The following OR7E24 variants were observed in gnomAD, a reference collection of about 807,000 sequenced individuals.
OR7E24 encodes olfactory receptor 7E24.
For synonymous variants in OR7E24, 130 were observed against 157.5 expected (o/e 0.83, Z 1.31); for missense variants, 385 against 410.3 (o/e 0.94, Z 0.53).
At chr19:9,221,237 A>C in the OR7E24 span, among the ~76,000 whole-genome samples, 976 of 144,040 alleles carry the variant, frequency 6.8e-3, 13 homozygotes, top group African/African-American at 0.024. Context: ...GCGCCACTGC[A>C]CTCCAGCCTG....
chr19:9,238,577 C>T, the OR7E24 span, among the ~76,000 whole-genome samples: 2 of 152,094 alleles, frequency 1.3e-5, no homozygotes, highest in African/African-American at 2.4e-5. Context: ...TTGAAGTATA[C>T]AATTTGTTAT....
the OR7E24 span, among the ~76,000 whole-genome samples, chr19:9,226,637 T>C: frequency 1.3e-5 from 2 of 152,262 alleles, no homozygotes; most frequent in Admixed American, 6.5e-5. Context: ...TTGATTTCTT[T>C]ATTACGGCTA....
chr19:9,207,190 TTCGGATTTCACTC>T, the OR7E24 span: 1 of 152,238 alleles, frequency 6.6e-6, no homozygotes, highest in Non-Finnish European at 1.5e-5. Context: ...ATAGATTTTC[TTCGGATTTCACTC>T]TTGTGCGTAC....
chr19:9,240,978 T>C, the OR7E24 span, among the ~76,000 whole-genome samples: 30,620 of 151,910 alleles, frequency 0.2, 5,111 homozygotes, highest in African/African-American at 0.46. Context: ...CCACCACGCC[T>C]GGCTAATTTT....
the OR7E24 span, among the ~76,000 whole-genome samples, chr19:9,228,109 G>A: frequency 3.3e-5 from 5 of 152,076 alleles, no homozygotes; most frequent in Non-Finnish European, 5.9e-5. Flanking sequence ...CTTCCATAAC[G>A]AATGAACTAA....
At chr19:9,212,896 G>T in the OR7E24 span, 1 of 152,196 alleles carries the variant, frequency 6.6e-6, no homozygotes, top group African/African-American at 2.4e-5. Flanking sequence ...GGGAAGACAG[G>T]TGTGAGCCAC....
At chr19:9,251,075 T>TA (rs1568335989) in intron 1 of OR7E24, 13 of 1,598,224 alleles carry the variant, frequency 8.1e-6, no homozygotes, top group African/African-American at 1.3e-5. Flanking sequence ...TTTTTTTTTT[T>TA]CCTCAAAAGG....
At chr19:9,230,588 G>A in the OR7E24 span, among the ~76,000 whole-genome samples, 28 of 152,284 alleles carry the variant, frequency 1.8e-4, no homozygotes, top group Admixed American at 2.0e-4. Context: ...ACTCACTGAA[G>A]ATCTGTCCTA....
At chr19:9,239,707 C>CTTTTTTTTTTT in the OR7E24 span, among the ~76,000 whole-genome samples, 38 of 122,986 alleles carry the variant, frequency 3.1e-4, no homozygotes, top group South Asian at 5.2e-4. Context: ...TTTTCTTTTT[C>CTTTTTTTTTTT]TTTTTTTTTT....
chr19:9,215,935 A>T, the OR7E24 span, among the ~76,000 whole-genome samples: 1 of 152,124 alleles, frequency 6.6e-6, no homozygotes, highest in Admixed American at 6.6e-5. Flanking sequence ...TGTTTAATGG[A>T]CTTACAGTTC....
chr19:9,213,313 A>AAG, the OR7E24 span: 1 of 152,536 alleles, frequency 6.6e-6, no homozygotes, highest in African/African-American at 2.4e-5. Context: ...AAACTGATCA[A>AAG]AGATGGAACT....
chr19:9,212,328 A>C, the OR7E24 span: 1 of 151,862 alleles, frequency 6.6e-6, no homozygotes, highest in Non-Finnish European at 1.5e-5. Context: ...AACCTCTGCC[A>C]CCTGAGTTTT....
At chr19:9,209,305 T>C in the OR7E24 span, 1 of 152,192 alleles carries the variant, frequency 6.6e-6, no homozygotes, top group Non-Finnish European at 1.5e-5. Context: ...CAGCAGCAAA[T>C]TAATTGCAGT....
At position 9,251,150 on chromosome 19, in the gene OR7E24, C is replaced by T. The variant is rs2066144674; in HGVS notation, c.107C>T (p.Ser36Leu). ...GVSEFLLLGL[S>L]EDPELQPVLA... ...TCAGAATTCCTCCTCCTGGGACTCT[C>T]AGAGGATCCAGAACTGCAGCCGGTC... The change falls in exon 1 of 1, where the codon TCA becomes TTA. Residue 36 changes from serine (S) to leucine (L), a missense_variant. Coordinates refer to ENST00000456448, the MANE Select transcript of OR7E24 (RefSeq NM_001079935.2). The T allele has an allele frequency of 6.2e-7, 1 of 1,613,470 alleles. No homozygotes were observed. The highest frequency in any genetic ancestry group is 1.3e-5 in the African/African-American group (1 of 74,862).
At chr19:9,213,913 C>A in the OR7E24 span, 2 of 1,613,388 alleles carry the variant, frequency 1.2e-6, no homozygotes, top group Non-Finnish European at 1.7e-6. Context: ...GGACAAGAGT[C>A]GGCCCTGCTG....
chr19:9,222,107 T>C, the OR7E24 span, among the ~76,000 whole-genome samples: 1 of 152,254 alleles, frequency 6.6e-6, no homozygotes, highest in Non-Finnish European at 1.5e-5. Flanking sequence ...TTGGCACCTT[T>C]GTTGAAAATC....
At chr19:9,227,954 C>G in the OR7E24 span, among the ~76,000 whole-genome samples, 1 of 151,214 alleles carries the variant, frequency 6.6e-6, no homozygotes, top group Non-Finnish European at 1.5e-5. Flanking sequence ...GGGGTTTCAC[C>G]GTTTTAGCCG....
the OR7E24 span, chr19:9,236,118 G>A: frequency 9.1e-7 from 1 of 1,094,904 alleles, no homozygotes; most frequent in South Asian, 1.3e-5. Flanking sequence ...GATGCTATGG[G>A]TCCCTTAAGC....
chr19:9,246,792 T>C (rs1475234438), upstream of OR7E24, among the ~76,000 whole-genome samples: 1 of 152,168 alleles, frequency 6.6e-6, no homozygotes, highest in African/African-American at 2.4e-5. Context: ...ATGTCAAGTA[T>C]TTTGTGCAGT....
Sources: allele counts gnomAD v4.1 joint callset (sites outside exome capture counted in the v4.1 genomes callset), GRCh38; gene constraint gnomAD v4.1.1; transcripts MANE v1.5; gene names NCBI Gene and HGNC (gene_info 2026-07-23, HGNC 2026-07-21).